Variants in STXBP5L observed in about 807,000 individuals in gnomAD.
STXBP5L encodes syntaxin binding protein 5L.
A neutral mutation model predicts 144.5 loss-of-function variants in STXBP5L; 65 were observed. The observed-to-expected ratio is 0.45, with a 90% CI of 0.37 to 0.55. The LOEUF (loss-of-function observed/expected upper bound fraction) is 0.55. Among genes scored for constraint, STXBP5L ranks in the 20% least tolerant of loss-of-function variants. The probability of loss-of-function intolerance (pLI) is 0.00; values close to 1 mark genes in which losing one functional copy is unlikely to be tolerated. For missense variants in STXBP5L, 1,298 were observed against 1,405.5 expected, an observed-to-expected ratio of 0.92 and a Z score of 1.22; for synonymous variants, 505 against 469.6, an observed-to-expected ratio of 1.08 and a Z score of -0.97.
At chr3:121,230,960 C>T (rs1430446853) in intron 11 of STXBP5L, among the ~76,000 whole-genome samples, 2 of 152,134 alleles carry the variant, frequency 1.3e-5, no homozygotes, top group African/African-American at 4.8e-5. Context: ...GCCAATAAGT[C>T]TCTTTTCTAC....
intron 5 of STXBP5L, among the ~76,000 whole-genome samples, chr3:121,092,522 T>C (rs982470213): frequency 6.6e-6 from 1 of 152,202 alleles, no homozygotes; most frequent in African/African-American, 2.4e-5. Flanking sequence ...TATTTTATTC[T>C]CTTTGAAGCA....
chr3:120,994,920 G>T (rs1007044763), intron 3 of STXBP5L, among the ~76,000 whole-genome samples: 1 of 151,994 alleles, frequency 6.6e-6, no homozygotes, highest in African/African-American at 2.4e-5. Flanking sequence ...TTCTTTGTTG[G>T]AAGACTTTTT....
At chr3:121,106,570 T>C (rs2043721613) in intron 5 of STXBP5L, among the ~76,000 whole-genome samples, 1 of 152,218 alleles carries the variant, frequency 6.6e-6, no homozygotes, top group South Asian at 2.1e-4. Flanking sequence ...GCAAAGATCA[T>C]GATCTCATTC....
chr3:121,257,930 A>T (rs922423194), intron 17 of STXBP5L, among the ~76,000 whole-genome samples: 28 of 152,324 alleles, frequency 1.8e-4, no homozygotes, highest in Middle Eastern at 3.4e-3. Context: ...CTCCAAAAAA[A>T]TAATAATGAT....
chr3:121,328,641 T>A (rs761675856), intron 20 of STXBP5L, among the ~76,000 whole-genome samples: 4 of 152,000 alleles, frequency 2.6e-5, no homozygotes, highest in Non-Finnish European at 4.4e-5. Context: ...TCCCAGCTAC[T>A]CAGGAGGCTG....
intron 5 of STXBP5L, among the ~76,000 whole-genome samples, chr3:121,077,328 G>T (rs1257832216): frequency 6.6e-6 from 1 of 152,178 alleles, no homozygotes; most frequent in Non-Finnish European, 1.5e-5. Flanking sequence ...CAAGAATGAA[G>T]CCGCGGACCT....
intron 5 of STXBP5L, among the ~76,000 whole-genome samples, chr3:121,058,872 G>A (rs533939445): frequency 1.4e-4 from 21 of 152,092 alleles, no homozygotes; most frequent in Admixed American, 1.0e-3. Flanking sequence ...CTGGATATTA[G>A]CCTTTGTCAA....
intron 20 of STXBP5L, among the ~76,000 whole-genome samples, chr3:121,367,648 G>A (rs1367266761): frequency 1.7e-5 from 2 of 116,784 alleles, no homozygotes; most frequent in African/African-American, 3.3e-5. Flanking sequence ...TTGTCACCCA[G>A]AATAGAATGT....
intron 3 of STXBP5L, among the ~76,000 whole-genome samples, chr3:121,022,300 C>A (rs932155309): frequency 5.3e-5 from 8 of 151,812 alleles, no homozygotes; most frequent in Admixed American, 1.3e-4. Context: ...CCAACAACAA[C>A]AAAAAAAGTC....
chr3:120,961,623 A>G (rs1386746768), intron 3 of STXBP5L, among the ~76,000 whole-genome samples: 2 of 152,166 alleles, frequency 1.3e-5, no homozygotes, highest in Non-Finnish European at 2.9e-5. Context: ...TTATGGCTAC[A>G]TAGTATTCCA....
At chr3:121,170,839 T>G (rs1190744099) in intron 9 of STXBP5L, among the ~76,000 whole-genome samples, 1 of 152,226 alleles carries the variant, frequency 6.6e-6, no homozygotes, top group East Asian at 1.9e-4. Flanking sequence ...TAACTCATTT[T>G]ATGAGGCCAG....
chr3:120,940,914 A>T (rs887028554), intron 2 of STXBP5L, among the ~76,000 whole-genome samples: 7 of 151,682 alleles, frequency 4.6e-5, no homozygotes, highest in Admixed American at 2.0e-4. Flanking sequence ...TAACATATAT[A>T]TATATAATAT....
intron 20 of STXBP5L, among the ~76,000 whole-genome samples, chr3:121,351,606 G>GGCT (rs763752361): frequency 1.3e-5 from 2 of 152,084 alleles, no homozygotes; most frequent in East Asian, 3.9e-4. Flanking sequence ...TGTCAGATAG[G>GGCT]TAGATTGCAA....
At chr3:121,253,553 C>G (rs978421842) in intron 15 of STXBP5L, among the ~76,000 whole-genome samples, 2 of 147,032 alleles carry the variant, frequency 1.4e-5, no homozygotes, top group African/African-American at 4.9e-5. Context: ...TATCTAATCT[C>G]CGGATTTTAT....
At chr3:121,209,587 C>G (rs1428130210) in intron 10 of STXBP5L, among the ~76,000 whole-genome samples, 1 of 152,030 alleles carries the variant, frequency 6.6e-6, no homozygotes, top group Non-Finnish European at 1.5e-5. Flanking sequence ...CCCCTCTCCC[C>G]CCACCCCATG....
At chr3:121,050,713 G>T (rs187258973) in intron 5 of STXBP5L, among the ~76,000 whole-genome samples, 50 of 152,236 alleles carry the variant, frequency 3.3e-4, no homozygotes, top group Admixed American at 8.5e-4. Flanking sequence ...CATAATGACA[G>T]GACCAAATAC....
At chr3:120,921,335 G>C (rs973684971) in intron 2 of STXBP5L, among the ~76,000 whole-genome samples, 1 of 151,480 alleles carries the variant, frequency 6.6e-6, no homozygotes, top group African/African-American at 2.4e-5. Context: ...ATTTATTTTT[G>C]CTATTGAGTT....
chr3:121,380,277 A>T (rs2108681023), intron 21 of STXBP5L, among the ~76,000 whole-genome samples: 1 of 152,308 alleles, frequency 6.6e-6, no homozygotes. Flanking sequence ...AAATTTTATG[A>T]CAAACAATTA....
chr3:120,920,460 TATACGTCACC>T (rs1330206510), intron 2 of STXBP5L, among the ~76,000 whole-genome samples: 37 of 151,848 alleles, frequency 2.4e-4, no homozygotes, highest in African/African-American at 8.9e-4. Context: ...ATAATTGGGA[TATACGTCACC>T]TTAAATATTT....
Sources: gnomAD v4.1 joint callset for allele counts (sites outside exome capture counted in the v4.1 genomes callset) on GRCh38, gnomAD v4.1.1 for gene constraint, MANE v1.5 for transcripts, NCBI Gene and HGNC (gene_info 2026-07-23, HGNC 2026-07-21) for gene names.